SGCD: variants seen among roughly 807,000 people sequenced by gnomAD.
The protein encoded by SGCD is sarcoglycan delta.
SGCD carries 18 observed loss-of-function variants against 36.6 expected under a neutral mutation model. The ratio of observed to expected loss-of-function variants is 0.49; its 90% confidence interval spans 0.34 to 0.73. The LOEUF (loss-of-function observed/expected upper bound fraction) is 0.73, where lower values mean the gene tolerates loss of function less well. SGCD is among the 30% of genes least tolerant of loss of function. The pLI is 0.01. For synonymous variants in SGCD, 133 were observed against 130.6 expected, an observed-to-expected ratio of 1.02 and a Z score of -0.12; for missense variants, 387 against 346.7, an observed-to-expected ratio of 1.12 and a Z score of -0.92.
At chr5:156,688,498 G>A (rs1030587490) in intron 7 of SGCD, among the ~76,000 whole-genome samples, 3 of 152,160 alleles carry the variant, frequency 2.0e-5, no homozygotes, top group African/African-American at 7.2e-5. Flanking sequence ...TTACCTAAAA[G>A]GGGATTTTTT....
intron 7 of SGCD, among the ~76,000 whole-genome samples, chr5:156,755,600 C>T (rs1056900318): frequency 6.6e-6 from 1 of 152,208 alleles, no homozygotes; most frequent in Non-Finnish European, 1.5e-5. Context: ...CCCTGTTGCA[C>T]TGACATTATC....
chr5:156,068,495 G>A (rs1487672889), intron 1 of SGCD, among the ~76,000 whole-genome samples: 3 of 151,924 alleles, frequency 2.0e-5, no homozygotes, highest in Non-Finnish European at 4.4e-5. Context: ...GTGTATATGT[G>A]CCACATTTTC....
chr5:156,709,548 G>T (rs981722180), intron 7 of SGCD, among the ~76,000 whole-genome samples: 5 of 152,172 alleles, frequency 3.3e-5, no homozygotes, highest in African/African-American at 1.2e-4. Context: ...GAGAATAAGG[G>T]CTGGAGGGAA....
chr5:156,185,449 T>A (rs375253214), intron 3 of SGCD, among the ~76,000 whole-genome samples: 6 of 151,920 alleles, frequency 3.9e-5, no homozygotes, highest in African/African-American at 1.4e-4. Context: ...CTCCTGACCT[T>A]GTGATCCGCC....
chr5:156,576,826 A>G (rs1411829023), intron 4 of SGCD, among the ~76,000 whole-genome samples: 1 of 152,148 alleles, frequency 6.6e-6, no homozygotes, highest in Non-Finnish European at 1.5e-5. Flanking sequence ...GCCTTTTGTT[A>G]GATGGGTAGA....
chr5:156,607,141 C>T (rs1357685468), intron 6 of SGCD, among the ~76,000 whole-genome samples: 3 of 152,130 alleles, frequency 2.0e-5, no homozygotes, highest in Admixed American at 6.5e-5. Flanking sequence ...AAAGGGAATG[C>T]TTCCAGTTTT....
At chr5:156,577,605 G>T (rs1760026621) in intron 4 of SGCD, among the ~76,000 whole-genome samples, 1 of 152,172 alleles carries the variant, frequency 6.6e-6, no homozygotes, top group Non-Finnish European at 1.5e-5. Context: ...GCAGTGGTTT[G>T]TAGTTCTCCT....
chr5:155,742,748 C>T, the SGCD span, among the ~76,000 whole-genome samples: 1 of 152,184 alleles, frequency 6.6e-6, no homozygotes. Context: ...TCAGATCCCA[C>T]AAGTTAAGGG....
intron 4 of SGCD, among the ~76,000 whole-genome samples, chr5:156,523,594 T>C (rs1405178740): frequency 1.3e-5 from 2 of 152,164 alleles, no homozygotes; most frequent in Non-Finnish European, 2.9e-5. Flanking sequence ...TTAATATGTG[T>C]GCTTCTAATA....
At chr5:156,576,432 A>AT (rs1759959404) in intron 4 of SGCD, among the ~76,000 whole-genome samples, 1 of 152,208 alleles carries the variant, frequency 6.6e-6, no homozygotes, top group Non-Finnish European at 1.5e-5. Flanking sequence ...TCCTTTCGGT[A>AT]TATACCCAGT....
chr5:156,403,833 A>AT (rs537921518), intron 3 of SGCD, among the ~76,000 whole-genome samples: 70 of 114,796 alleles, frequency 6.1e-4, no homozygotes, highest in African/African-American at 2.3e-3. Context: ...TCCCTGACAT[A>AT]TTTTTTTTTC....
chr5:156,656,866 T>C (rs1019802750), intron 7 of SGCD, among the ~76,000 whole-genome samples: 1 of 152,202 alleles, frequency 6.6e-6, no homozygotes, highest in African/African-American at 2.4e-5. Context: ...CCCACTATTA[T>C]GCACTTGAAC....
intron 6 of SGCD, among the ~76,000 whole-genome samples, chr5:156,602,075 T>C (rs1761216924): frequency 6.6e-6 from 1 of 152,222 alleles, no homozygotes; most frequent in Non-Finnish European, 1.5e-5. Flanking sequence ...ATCTAATCTG[T>C]GAACATGGAG....
At chr5:156,425,024 A>C (rs189253318) in intron 3 of SGCD, among the ~76,000 whole-genome samples, 2 of 152,202 alleles carry the variant, frequency 1.3e-5, no homozygotes, top group Admixed American at 1.3e-4. Flanking sequence ...TTGTCGAGGA[A>C]TAGCTTGCCA....
intron 6 of SGCD, among the ~76,000 whole-genome samples, chr5:156,619,833 C>A (rs961380293): frequency 1.3e-5 from 2 of 152,222 alleles, no homozygotes; most frequent in African/African-American, 2.4e-5. Context: ...TAAAAATATT[C>A]TCTTACGCTC....
chr5:155,728,493 C>A, the SGCD span, among the ~76,000 whole-genome samples: 1 of 152,212 alleles, frequency 6.6e-6, no homozygotes, highest in African/African-American at 2.4e-5. Flanking sequence ...GGGCTGTGAG[C>A]AAGGGACACC....
chr5:156,189,478 G>A (rs984759419), intron 3 of SGCD, among the ~76,000 whole-genome samples: 6 of 152,138 alleles, frequency 3.9e-5, no homozygotes, highest in Non-Finnish European at 7.3e-5. Flanking sequence ...GATATGAAAT[G>A]AGAGTTAGGA....
the SGCD span, among the ~76,000 whole-genome samples, chr5:155,791,277 G>C: frequency 6.6e-6 from 1 of 152,032 alleles, no homozygotes. Context: ...AGTCAGAATG[G>C]GAAGGAAGGT....
At chr5:155,738,759 AGT>A in the SGCD span, among the ~76,000 whole-genome samples, 35 of 122,916 alleles carry the variant, frequency 2.8e-4, no homozygotes, top group Non-Finnish European at 2.5e-4. Context: ...AGTGTAAGAG[AGT>A]GTGAGAGTGT....
Sources: allele counts gnomAD v4.1 joint callset (sites outside exome capture counted in the v4.1 genomes callset), GRCh38; gene constraint gnomAD v4.1.1; transcripts MANE v1.5; gene names NCBI Gene and HGNC (gene_info 2026-07-23, HGNC 2026-07-21).